Variants in VDAC1 observed in about 807,000 individuals in gnomAD.
VDAC1 encodes the protein voltage dependent anion channel 1.
VDAC1 carries 10 observed loss-of-function variants against 34.7 expected under a neutral mutation model. The observed-to-expected ratio is 0.29, with a 90% confidence interval of 0.18 to 0.49. The LOEUF is 0.49. VDAC1 is among the 20% of genes least tolerant of loss of function. The pLI is 0.99. For synonymous variants in VDAC1, 130 were observed against 136.0 expected (o/e 0.96, Z 0.30); for missense variants, 230 against 347.9 (o/e 0.66, Z 2.69).
chr5:134,040,182 A>G, the VDAC1 span, among the ~76,000 whole-genome samples: 1 of 152,150 alleles, frequency 6.6e-6, no homozygotes, highest in Admixed American at 6.5e-5. Context: ...TCTAACCCCA[A>G]CACTTTGGGA....
chr5:134,019,979 G>A, the VDAC1 span, among the ~76,000 whole-genome samples: 3 of 152,084 alleles, frequency 2.0e-5, no homozygotes, highest in African/African-American at 7.2e-5. Context: ...TAATAGCCAG[G>A]TTGGCTAATG....
chr5:134,063,139 T>C, the VDAC1 span, among the ~76,000 whole-genome samples: 1 of 152,234 alleles, frequency 6.6e-6, no homozygotes. Context: ...TGTCATCTAG[T>C]TTCCCCTCAA....
the VDAC1 span, among the ~76,000 whole-genome samples, chr5:134,034,513 C>T: frequency 6.6e-6 from 1 of 152,170 alleles, no homozygotes; most frequent in Non-Finnish European, 1.5e-5. Flanking sequence ...CCCGGGAAGC[C>T]CAGAATGCCA....
At chr5:134,051,801 T>A in the VDAC1 span, among the ~76,000 whole-genome samples, 6 of 151,964 alleles carry the variant, frequency 3.9e-5, no homozygotes, top group South Asian at 1.0e-3. Context: ...CAGGTTCAAG[T>A]GATTCTCCCA....
chr5:134,100,118 T>C, the VDAC1 span, among the ~76,000 whole-genome samples: 5 of 152,374 alleles, frequency 3.3e-5, no homozygotes, highest in East Asian at 9.6e-4. Flanking sequence ...AATCTAGCTT[T>C]GATGCCCCAC....
chr5:134,040,075 CA>C, the VDAC1 span, among the ~76,000 whole-genome samples: 1 of 152,196 alleles, frequency 6.6e-6, no homozygotes, highest in Non-Finnish European at 1.5e-5. Flanking sequence ...TGGGTCCACA[CA>C]AAAGGCATCT....
At chr5:134,059,439 G>A in the VDAC1 span, among the ~76,000 whole-genome samples, 5 of 152,074 alleles carry the variant, frequency 3.3e-5, no homozygotes, top group African/African-American at 9.7e-5. Context: ...AGCCTCCCAC[G>A]TGCTGTAGGC....
chr5:134,001,703 T>G, intron 1 of VDAC1, among the ~76,000 whole-genome samples: 15 of 109,332 alleles, frequency 1.4e-4, no homozygotes, highest in Admixed American at 2.3e-4. Context: ...GGCAACAGAG[T>G]GAGACTCCAT....
chr5:134,048,771 A>AT, the VDAC1 span, among the ~76,000 whole-genome samples: 1,939 of 148,766 alleles, frequency 0.013, 35 homozygotes, highest in African/African-American at 0.045. Flanking sequence ...CCCGCCGGGC[A>AT]TTTTTTTTTT....
the VDAC1 span, among the ~76,000 whole-genome samples, chr5:134,096,311 C>A: frequency 6.6e-6 from 1 of 152,240 alleles, no homozygotes; most frequent in African/African-American, 2.4e-5. Context: ...GAGTCCCAGT[C>A]CCAGAGTGCC....
upstream of VDAC1, among the ~76,000 whole-genome samples, chr5:134,007,242 CAAA>C (rs56702014): frequency 8.3e-6 from 1 of 120,256 alleles, no homozygotes. Context: ...GAAACTCTGC[CAAA>C]AAAAAAAAAA....
At chr5:134,067,001 T>G in the VDAC1 span, among the ~76,000 whole-genome samples, 5 of 152,156 alleles carry the variant, frequency 3.3e-5, no homozygotes, top group African/African-American at 1.2e-4. Context: ...CATTCTAGTT[T>G]GTATTTTTTG....
At chr5:134,108,957 C>T in the VDAC1 span, among the ~76,000 whole-genome samples, 1 of 152,216 alleles carries the variant, frequency 6.6e-6, no homozygotes, top group African/African-American at 2.4e-5. Flanking sequence ...CCCTCCCTAA[C>T]TGCCATGTTG....
At chr5:133,980,634 T>TAAA (rs55708320) in intron 6 of VDAC1, 95 bp downstream of exon 6, 20,234 of 580,324 alleles carry the variant, frequency 0.035, 303 homozygotes, top group East Asian at 0.18. Context: ...TGGGCTTTCT[T>TAAA]AAAAAAAAAA....
the VDAC1 span, among the ~76,000 whole-genome samples, chr5:134,043,009 CTGAGCT>C: frequency 2.1e-3 from 313 of 152,326 alleles, 1 homozygote; most frequent in Non-Finnish European, 3.6e-3. Context: ...CTTTCTTTTC[CTGAGCT>C]TGGATGAAAG....
At chr5:134,061,735 T>C in the VDAC1 span, among the ~76,000 whole-genome samples, 155 of 151,872 alleles carry the variant, frequency 1.0e-3, 2 homozygotes, top group East Asian at 0.027. Context: ...TTTTCTTCCA[T>C]TGTAATTTTT....
At chr5:133,987,330 CAG>C (rs1477324954) in intron 5 of VDAC1, among the ~76,000 whole-genome samples, 1 of 151,608 alleles carries the variant, frequency 6.6e-6, no homozygotes, top group Non-Finnish European at 1.5e-5. Context: ...CACTGCACTC[CAG>C]CCTAGGTGAC....
the VDAC1 span, among the ~76,000 whole-genome samples, chr5:134,018,935 G>T: frequency 1.3e-5 from 2 of 152,144 alleles, no homozygotes; most frequent in African/African-American, 4.8e-5. Flanking sequence ...CATCATCACC[G>T]GGAGGACTGC....
At chr5:134,005,756 T>A (rs954081084), upstream of VDAC1, among the ~76,000 whole-genome samples, 1 of 152,114 alleles carries the variant, frequency 6.6e-6, no homozygotes, top group Non-Finnish European at 1.5e-5. Flanking sequence ...CCACTGAGTG[T>A]CCCCTGTGTT....
Sources: allele counts gnomAD v4.1 joint callset (sites outside exome capture counted in the v4.1 genomes callset), GRCh38; gene constraint gnomAD v4.1.1; transcripts MANE v1.5; gene names NCBI Gene and HGNC (gene_info 2026-07-23, HGNC 2026-07-21).